Variants in CLASP2 observed in about 807,000 individuals in gnomAD.
CLASP2 encodes cytoplasmic linker associated protein 2, also known as CLIP-associating protein 2.
Under a neutral mutation model 194.4 loss-of-function variants are expected in CLASP2, and 47 were observed. The observed-to-expected ratio is 0.24, with a 90% CI of 0.19 to 0.31. The LOEUF (loss-of-function observed/expected upper bound fraction) is 0.31, where lower values mean the gene tolerates loss of function less well. Ranked by LOEUF, CLASP2 falls within the 10% of genes least tolerant of loss-of-function variation. The pLI is 1.00. For missense variants in CLASP2, 1,445 were observed against 1,823.6 expected (o/e 0.79, Z 3.78); for synonymous variants, 619 against 633.5 (o/e 0.98, Z 0.34).
At chr3:33,618,419 C>A (rs1577280580) in intron 12 of CLASP2, among the ~76,000 whole-genome samples, 1 of 151,982 alleles carries the variant, frequency 6.6e-6, no homozygotes. Context: ...CTGAGGCAGG[C>A]ACATCATTTG....
intron 13 of CLASP2, among the ~76,000 whole-genome samples, chr3:33,610,624 G>A (rs1434341609): frequency 2.0e-5 from 3 of 152,164 alleles, no homozygotes; most frequent in Admixed American, 2.0e-4. Flanking sequence ...GGGCTGGACA[G>A]TAAATATTTT....
intron 23 of CLASP2, among the ~76,000 whole-genome samples, chr3:33,579,076 T>C (rs1386078492): frequency 3.3e-5 from 5 of 152,200 alleles, no homozygotes; most frequent in Non-Finnish European, 7.4e-5. Context: ...ATGCTACCTT[T>C]CATCCCTGCA....
At chr3:33,658,996 G>A in intron 7 of CLASP2, 1 of 1,535,944 alleles carries the variant, frequency 6.5e-7, no homozygotes, top group South Asian at 1.2e-5. Context: ...CCATTAGATG[G>A]TCCAGGGAGC....
chr3:33,667,200 T>C (rs1023450436), intron 6 of CLASP2, among the ~76,000 whole-genome samples: 2 of 151,688 alleles, frequency 1.3e-5, no homozygotes, highest in Non-Finnish European at 2.9e-5. Flanking sequence ...TCACTTGAGG[T>C]CAAAGGTTAA....
At position 33,652,764 on chromosome 3, in the gene CLASP2, T is replaced by C. The variant is rs73826764; in HGVS notation, c.716-7861A>G. Among the ~76,000 whole-genome samples, 460 of 152,228 alleles carry C rather than the reference T, an allele frequency of 3.0e-3. 4 individuals carry two copies. The highest frequency in any genetic ancestry group is 0.01 in the African/African-American group (435 of 41,546). ...TTCATATAGACACATAAAACCAACA[T>C]CATCCAAAACTGATCTCCCTAAGTC... On this transcript the variant is annotated intron_variant, in intron 7 of 38. Transcript: ENST00000682230.
At position 33,506,377 on chromosome 3, in the gene CLASP2, C is replaced by CAAAAAAAAAAAAAAAA. The variant is rs2048189726; in HGVS notation, c.4317+4180_4317+4181insTTTTTTTTTTTTTTTT. 7.9e-4 allele frequency among the ~76,000 whole-genome samples: 49 copies of CAAAAAAAAAAAAAAAA among 61,876 alleles called. 9 individuals carry two copies. Among genetic ancestry groups the CAAAAAAAAAAAAAAAA allele is most frequent in the African/African-American group, 2.3e-3 (40 of 17,540 alleles). 40.6% of individuals were successfully genotyped at this position (61,876 alleles called of 152,430 possible). On this transcript the variant is annotated intron_variant, in intron 37 of 38. Coordinates refer to ENST00000682230, the MANE Select transcript of CLASP2 (RefSeq NM_001365631.1). The stretch of plus-strand genomic sequence containing the variant: ...TGGGTGACAGAGTGAGACTCTGTCT[C>CAAAAAAAAAAAAAAAA]GAAAAAAAAAAAAAAAAAAAAAAAA...
chr3:33,671,921 G>A (rs1216390370), intron 6 of CLASP2, among the ~76,000 whole-genome samples: 1 of 152,210 alleles, frequency 6.6e-6, no homozygotes, highest in East Asian at 1.9e-4. Context: ...GGCTTGCTTA[G>A]GTAAACAAAG....
intron 24 of CLASP2, among the ~76,000 whole-genome samples, chr3:33,575,343 T>C (rs2064631465): frequency 6.6e-6 from 1 of 152,184 alleles, no homozygotes; most frequent in Admixed American, 6.5e-5. Flanking sequence ...TTCAAATCTA[T>C]GTGGCAAACA....
At position 33,659,479 on chromosome 3, in the gene CLASP2, A is replaced by T. The variant is rs535575516; in HGVS notation, c.715+3966T>A. 7 of 890,276 alleles carry T rather than the reference A, an allele frequency of 7.9e-6. No homozygotes were observed. The African/African-American group carries it at 1.3e-4, about 16-fold the overall frequency. 55.1% of individuals were successfully genotyped at this position (890,276 alleles called of 1,614,324 possible). A position where few individuals can be genotyped will look rare whatever the true frequency, so the allele number is the denominator to read the frequency against. On this transcript the variant is annotated intron_variant, in intron 7 of 38. Coordinates refer to ENST00000682230, the MANE Select transcript of CLASP2 (RefSeq NM_001365631.1). ...TGGATTAACTGATTTGCGCCTTTTT[A>T]AAAAGGTTTTCATCCTTTTGTCGTT...
At chr3:33,575,328 G>C (rs1428293367) in intron 24 of CLASP2, among the ~76,000 whole-genome samples, 1 of 152,056 alleles carries the variant, frequency 6.6e-6, no homozygotes, top group Non-Finnish European at 1.5e-5. Context: ...TTAAAAACCT[G>C]CCTTTTCAAA....
At chr3:33,510,531 TATTC>T (rs752971898) in intron 37 of CLASP2, 23 bp downstream of exon 37, 2 of 1,602,990 alleles carry the variant, frequency 1.2e-6, no homozygotes, top group South Asian at 2.2e-5. Context: ...TATCATGGCT[TATTC>T]CTCTCCAAGC....
Position 33,596,710 on chromosome 3 carries a change from C to A in CLASP2, c.1948+1G>T. The A allele has an allele frequency of 6.4e-7, 1 of 1,567,076 alleles. No homozygotes were observed. Among genetic ancestry groups the A allele is most frequent in the Non-Finnish European group, 8.7e-7 (1 of 1,153,656 alleles). On this transcript the variant is annotated splice_donor_variant, in intron 19 of 38. Coordinates refer to ENST00000682230, the MANE Select transcript of CLASP2 (RefSeq NM_001365631.1). LOFTEE classifies it high-confidence loss of function. ...GTAGAATTAGGAAAGGAAGTTCTTA[C>A]CATCCAGCTTGTCAGAAGTATCCTC...
At chr3:33,512,878 T>G (rs1216582119) in intron 36 of CLASP2, among the ~76,000 whole-genome samples, 1 of 151,944 alleles carries the variant, frequency 6.6e-6, no homozygotes, top group African/African-American at 2.4e-5. Flanking sequence ...TAGTCCCAGC[T>G]GTTAGGGAGG....
intron 29 of CLASP2, chr3:33,558,740 G>C (rs2061350684): frequency 6.6e-6 from 1 of 152,118 alleles, no homozygotes; most frequent in African/African-American, 2.4e-5. Context: ...ATTGAAGAAA[G>C]GGACTGAGAT....
intron 21 of CLASP2, among the ~76,000 whole-genome samples, chr3:33,586,519 G>A (rs1465122193): frequency 6.6e-6 from 1 of 152,084 alleles, no homozygotes; most frequent in African/African-American, 2.4e-5. Context: ...TTCAGAGACT[G>A]TGCATGGGTT....
chr3:33,701,440 T>C (rs769763261), intron 1 of CLASP2, among the ~76,000 whole-genome samples: 1 of 152,128 alleles, frequency 6.6e-6, no homozygotes. Context: ...TACAAAAAAT[T>C]TTAAAAGTAG....
chr3:33,651,727 T>C (rs2083258507), intron 7 of CLASP2, among the ~76,000 whole-genome samples: 1 of 150,854 alleles, frequency 6.6e-6, no homozygotes, highest in Admixed American at 6.6e-5. Context: ...TGGTGTGATC[T>C]TGGCTCACTG....
chr3:33,497,824 A>T lies in CLASP2; in HGVS notation c.*807T>A, dbSNP rs1267473489. The T allele has an allele frequency of 6.6e-6, 1 of 152,628 alleles. No individual in the cohort carries two copies. Among genetic ancestry groups the T allele is most frequent in the Non-Finnish European group, 1.5e-5 (1 of 68,044 alleles). The allele number at this position is 152,628 out of a possible 1,614,324, so 9.5% of individuals were successfully genotyped here. Reference sequence around the variant, plus strand: ...TTGATATTAATAAATACAAAAAAGCATCATTCACAACAAAGATATAAACAA... The same window carrying T: ...TTGATATTAATAAATACAAAAAAGCTTCATTCACAACAAAGATATAAACAA... On this transcript the variant is annotated 3_prime_UTR_variant, in exon 39 of 39. Transcript: ENST00000682230.
In CLASP2 at chr3:33,673,943, A is replaced by C. The variant is rs566723744; in HGVS notation, c.644+10416T>G. 1.5e-3 allele frequency among the ~76,000 whole-genome samples: 232 copies of C among 151,360 alleles called. 1 individual carries two copies. The highest frequency in any genetic ancestry group is 3.6e-3 in the African/African-American group (148 of 40,720). Reference sequence around the variant, plus strand: ...TACAGGAGCACCCAGATTCATAAAGAAAGTCCTGAGTGACCTACAAAGAGA... The same window carrying C: ...TACAGGAGCACCCAGATTCATAAAGCAAGTCCTGAGTGACCTACAAAGAGA... On this transcript the variant is annotated intron_variant, in intron 6 of 38. Transcript: ENST00000682230.
Sources: allele counts gnomAD v4.1 joint callset (sites outside exome capture counted in the v4.1 genomes callset), GRCh38; gene constraint gnomAD v4.1.1; transcripts MANE v1.5; gene names NCBI Gene and HGNC (gene_info 2026-07-23, HGNC 2026-07-21).